Variants in ZMPSTE24 observed in about 807,000 individuals in gnomAD.
ZMPSTE24 encodes the protein zinc metallopeptidase STE24, also known as CAAX prenyl protease 1 homolog.
Under a neutral mutation model 56.7 loss-of-function variants are expected in ZMPSTE24, and 48 were observed. The ratio of observed to expected loss-of-function variants is 0.85; its 90% confidence interval spans 0.67 to 1.08. The LOEUF is 1.08. Ranked by LOEUF, ZMPSTE24 falls within the 50% of genes least tolerant of loss-of-function variation. The pLI is 0.00. For missense variants in ZMPSTE24, 503 were observed against 548.7 expected, an observed-to-expected ratio of 0.92 and a Z score of 0.83; for synonymous variants, 172 against 195.2, an observed-to-expected ratio of 0.88 and a Z score of 0.99.
intron 2 of ZMPSTE24, among the ~76,000 whole-genome samples, chr1:40,263,261 A>G (rs1569617327): frequency 6.6e-6 from 1 of 152,244 alleles, no homozygotes; most frequent in East Asian, 1.9e-4. Context: ...CTGATGGGCT[A>G]AGGTTGGGAA....
intron 6 of ZMPSTE24, among the ~76,000 whole-genome samples, chr1:40,275,261 A>C (rs1274744426): frequency 6.8e-6 from 1 of 146,870 alleles, no homozygotes; most frequent in Non-Finnish European, 1.5e-5. Context: ...CTCTACTAAA[A>C]ATACAAAAAA....
intron 6 of ZMPSTE24, among the ~76,000 whole-genome samples, chr1:40,276,563 G>A (rs751555297): frequency 1.3e-4 from 20 of 152,208 alleles, no homozygotes; most frequent in Non-Finnish European, 1.0e-4. Flanking sequence ...TTTGTAGAAT[G>A]TTTTTGTTTT....
Position 40,271,945 on chromosome 1 carries a change from A to G in ZMPSTE24, c.679A>G (p.Thr227Ala), listed in dbSNP as rs1643617735. The G allele has an allele frequency of 1.2e-6, 2 of 1,613,716 alleles. No homozygotes were observed. The highest frequency in any genetic ancestry group is 1.7e-6 in the Non-Finnish European group (2 of 1,179,764). Residue 227 changes from threonine to alanine, a missense_variant, in exon 6 of 10, where the codon ACA becomes GCA. Coordinates refer to ENST00000372759, the MANE Select transcript of ZMPSTE24 (RefSeq NM_005857.5). ...DYIAPLFDKF[T>A]PLPEGKLKEE... ...TATTGCCCCTTTATTTGACAAATTC[A>G]CACCTCTGCCTGAGGGAAAGCTTAA...
intron 7 of ZMPSTE24, among the ~76,000 whole-genome samples, chr1:40,284,102 ATTTTT>A (rs10600489): frequency 1.7e-3 from 195 of 116,950 alleles, no homozygotes; most frequent in Non-Finnish European, 2.5e-3. Flanking sequence ...TGCCCAGCTA[ATTTTT>A]TTTTTTTTTT....
In ZMPSTE24 at chr1:40,271,911, T is replaced by G; in HGVS notation, c.645T>G (p.Tyr215Ter). ...LVVSLVLVTI[Y>*]ADYIAPLFDK... ...CTTTTCAGGTTCTTGTCACAATCTATGCTGATTATATTGCCCCTTTATTTG... is the reference window on the plus strand; with the variant it reads ...CTTTTCAGGTTCTTGTCACAATCTAGGCTGATTATATTGCCCCTTTATTTG... Residue 215 changes from tyrosine (Y) to a stop codon, truncating the protein, a stop_gained, in exon 6 of 10, where the codon TAT (tyrosine) becomes TAG (stop). Transcript: ENST00000372759. LOFTEE classifies it high-confidence loss of function. 6.2e-7 allele frequency: 1 copy of G among 1,613,708 alleles called. No homozygotes were observed.
chr1:40,273,668 ATACT>A (rs1282275502), intron 6 of ZMPSTE24, among the ~76,000 whole-genome samples: 1 of 146,866 alleles, frequency 6.8e-6, no homozygotes, highest in East Asian at 2.0e-4. Context: ...AAGCCAGTTC[ATACT>A]TACTTCTTTA....
Position 40,281,369 on chromosome 1 carries a change from G to A in ZMPSTE24, c.796G>A (p.Ala266Thr). Residue 266 changes from alanine to threonine, a missense_variant, in exon 7 of 10, where the codon GCT (alanine) becomes ACT (threonine). Transcript: ENST00000372759. ...EGSKRSSHSNAYFYGFFKNKR... is the reference protein window; with the variant it reads ...EGSKRSSHSNTYFYGFFKNKR... ...ATCTAAACGCTCTTCCCACAGCAAT[G>A]CTTATTTTTATGGCTTCTTCAAGAA... The A allele has an allele frequency of 6.2e-7, 1 of 1,614,046 alleles. No individual in the cohort carries two copies. The highest frequency in any genetic ancestry group is 8.5e-7 in the Non-Finnish European group (1 of 1,179,990).
At chr1:40,269,073 CAAAAAAAAAAAAAA>C (rs60201234) in intron 4 of ZMPSTE24, among the ~76,000 whole-genome samples, 1 of 46,222 alleles carries the variant, frequency 2.2e-5, no homozygotes, top group Non-Finnish European at 5.8e-5. Flanking sequence ...GACTCCGTCT[CAAAAAAAAAAAAAA>C]AAAAAAAAAA....
intron 6 of ZMPSTE24, among the ~76,000 whole-genome samples, chr1:40,279,364 C>T (rs952150595): frequency 3.3e-5 from 5 of 152,178 alleles, no homozygotes; most frequent in African/African-American, 1.2e-4. Context: ...ATTGCAGTTT[C>T]AGACCATGAA....
chr1:40,268,698 C>T (rs144059750), intron 4 of ZMPSTE24, among the ~76,000 whole-genome samples, 163 bp downstream of exon 4: 14 of 152,078 alleles, frequency 9.2e-5, no homozygotes, highest in Non-Finnish European at 1.5e-4. Flanking sequence ...TCTTGGGGGC[C>T]GCGGTGGCTC....
In ZMPSTE24 at chr1:40,292,476, G is replaced by A. The variant is rs555007253; in HGVS notation, c.1235G>A (p.Arg412His). 61 of 1,614,020 alleles carry A rather than the reference G, an allele frequency of 3.8e-5. No homozygotes were observed. The highest frequency in any genetic ancestry group is 1.7e-4 in the Middle Eastern group (1 of 6,040). ...VLSFCLTVLS[R>H]RFEFQADAFA... ...TCTTTTTGCCTAACAGTCCTAAGCCGCAGATTTGAGTTTCAAGCTGATGCA... is the reference window on the plus strand; with the variant it reads ...TCTTTTTGCCTAACAGTCCTAAGCCACAGATTTGAGTTTCAAGCTGATGCA... Residue 412 changes from arginine to histidine, a missense_variant, in exon 10 of 10, where the codon CGC becomes CAC. Transcript: ENST00000372759.
intron 6 of ZMPSTE24, among the ~76,000 whole-genome samples, chr1:40,279,230 AGAAAG>A (rs889403408): frequency 2.6e-5 from 4 of 152,260 alleles, no homozygotes; most frequent in African/African-American, 4.8e-5. Flanking sequence ...CTTTGGGAAA[AGAAAG>A]GAAACAAAAA....
rs766674328 is a variant in ZMPSTE24 at position 40,292,475 on chromosome 1, C to T, written c.1234C>T (p.Arg412Cys). 24 of 1,613,866 alleles carry T rather than the reference C, an allele frequency of 1.5e-5. No individual in the cohort carries two copies. Among genetic ancestry groups the T allele is most frequent in the East Asian group, 2.2e-5 (1 of 44,878 alleles). The change falls in exon 10 of 10, where the codon CGC becomes TGC. Residue 412 changes from arginine to cysteine, a missense_variant. Transcript: ENST00000372759. ...VLSFCLTVLS[R>C]RFEFQADAFA... ...TTCTTTTTGCCTAACAGTCCTAAGC[C>T]GCAGATTTGAGTTTCAAGCTGATGC...
chr1:40,288,198 A>C (rs757982539), intron 8 of ZMPSTE24, among the ~76,000 whole-genome samples: 2 of 152,128 alleles, frequency 1.3e-5, no homozygotes, highest in Admixed American at 6.5e-5. Flanking sequence ...TAAAAAGGCC[A>C]GCTGGTTCTG....
At chr1:40,289,604 G>A (rs542889543) in intron 8 of ZMPSTE24, among the ~76,000 whole-genome samples, 2 of 152,234 alleles carry the variant, frequency 1.3e-5, no homozygotes, top group South Asian at 4.2e-4. Flanking sequence ...GGGTCATCTC[G>A]TTTGGGTCAA....
intron 7 of ZMPSTE24, among the ~76,000 whole-genome samples, chr1:40,285,724 G>A (rs909391679): frequency 1.3e-5 from 2 of 150,236 alleles, no homozygotes; most frequent in Non-Finnish European, 2.9e-5. Flanking sequence ...CATCTTGTTC[G>A]TCATTCTATC....
Position 40,258,407 on chromosome 1 carries a change from A to G in ZMPSTE24, c.123+13A>G. 1.9e-6 allele frequency: 3 copies of G among 1,613,950 alleles called. No homozygotes were observed. Among genetic ancestry groups the G allele is most frequent in the South Asian group, 1.1e-5 (1 of 91,080 alleles). On this transcript the variant is annotated intron_variant, in intron 1 of 9. Coordinates refer to ENST00000372759, the MANE Select transcript of ZMPSTE24 (RefSeq NM_005857.5). ...AGCACAGCGGCAGGTGAGCCTAGAC[A>G]GGGTCCAACCTGACCCCCATACCCG...
At chr1:40,278,255 C>CT (rs911912148) in intron 6 of ZMPSTE24, among the ~76,000 whole-genome samples, 9 of 151,892 alleles carry the variant, frequency 5.9e-5, no homozygotes, top group Admixed American at 5.2e-4. Context: ...TTTATCATTT[C>CT]TTTTTTGAAA....
At chr1:40,272,132 G>GT (rs1309861105) in intron 6 of ZMPSTE24, 97 bp downstream of exon 6, 6 of 1,352,576 alleles carry the variant, frequency 4.4e-6, no homozygotes, top group Non-Finnish European at 4.9e-6. Context: ...ATCAGTTTTT[G>GT]TTTTTTTCTT....
Sources: allele counts gnomAD v4.1 joint callset (sites outside exome capture counted in the v4.1 genomes callset), GRCh38; gene constraint gnomAD v4.1.1; transcripts MANE v1.5; gene names NCBI Gene and HGNC (gene_info 2026-07-23, HGNC 2026-07-21).